OTUD7B: variants seen among roughly 807,000 people sequenced by gnomAD.
OTUD7B encodes the protein OTU deubiquitinase 7B, also known as OTU domain-containing protein 7B.
In OTUD7B, 34 loss-of-function variants were observed where a neutral mutation model predicts 82.2. That is an observed-to-expected ratio of 0.41 (90% confidence interval 0.31 to 0.55). OTUD7B has a LOEUF of 0.55. Ranked by LOEUF, OTUD7B falls within the 20% of genes least tolerant of loss-of-function variation. The probability of loss-of-function intolerance (pLI) is 0.20; values close to 1 mark genes in which losing one functional copy is unlikely to be tolerated. For synonymous variants in OTUD7B, 398 were observed against 402.7 expected (o/e 0.99, Z 0.14); for missense variants, 944 against 1,062.1 (o/e 0.89, Z 1.55).
chr1:149,967,152 C>T (rs1649570394), intron 4 of OTUD7B, 142 bp downstream of exon 4: 1 of 557,510 alleles, frequency 1.8e-6, no homozygotes, highest in Non-Finnish European at 3.2e-6. Flanking sequence ...TTTGACAGCA[C>T]AAGTTTATCC....
rs76349819 is a variant in OTUD7B at position 150,007,895 on chromosome 1, C to T, written c.-67+2553G>A. 4.2e-3 allele frequency among the ~76,000 whole-genome samples: 641 copies of T among 152,254 alleles called. 5 individuals carry two copies. Among genetic ancestry groups the T allele is most frequent in the Non-Finnish European group, 7.3e-3 (498 of 68,026 alleles). ...ATACTGCTGAGGTCACATTTCAAAG[C>T]GCTGTTTAAGGATTTTCCCTTTGGT... On this transcript the variant is annotated intron_variant, in intron 1 of 11. Coordinates refer to ENST00000581312, the MANE Select transcript of OTUD7B (RefSeq NM_020205.4).
chr1:150,014,084 G>GTGTATATATATA (rs1336267152), upstream of OTUD7B, among the ~76,000 whole-genome samples: 1 of 30,388 alleles, frequency 3.3e-5, no homozygotes, highest in African/African-American at 8.3e-5. Context: ...GTGTGTGTGT[G>GTGTATATATATA]TATATATATA....
At chr1:150,016,501 C>CTGGA in the OTUD7B span, among the ~76,000 whole-genome samples, 1 of 144,008 alleles carries the variant, frequency 6.9e-6, no homozygotes, top group Non-Finnish European at 1.5e-5. Context: ...GTCGCCAAGG[C>CTGGA]TGGAGTGCAG....
chr1:149,997,933 A>G (rs782751613), intron 1 of OTUD7B, among the ~76,000 whole-genome samples: 4 of 152,182 alleles, frequency 2.6e-5, no homozygotes, highest in Non-Finnish European at 5.9e-5. Context: ...CTTACTAGGC[A>G]TGCAAACATA....
At chr1:150,015,127 TG>T (rs1487265852), upstream of OTUD7B, among the ~76,000 whole-genome samples, 85 of 152,290 alleles carry the variant, frequency 5.6e-4, no homozygotes, top group African/African-American at 2.0e-3. Flanking sequence ...AATGAATGAA[TG>T]AATTGGCAGC....
chr1:149,958,019 G>A (rs1355048474), intron 7 of OTUD7B, among the ~76,000 whole-genome samples: 3 of 152,134 alleles, frequency 2.0e-5, no homozygotes, highest in Non-Finnish European at 4.4e-5. Flanking sequence ...TTCGGCTCAC[G>A]CTCCGTGGGC....
intron 1 of OTUD7B, among the ~76,000 whole-genome samples, chr1:149,985,625 G>A (rs1249221925): frequency 1.3e-5 from 2 of 151,486 alleles, no homozygotes; most frequent in African/African-American, 4.9e-5. Context: ...GTGCACTCCT[G>A]TAGTCCCAGC....
At chr1:150,062,708 C>CTTTTTTTTT in the OTUD7B span, among the ~76,000 whole-genome samples, 107 of 96,036 alleles carry the variant, frequency 1.1e-3, no homozygotes, top group Non-Finnish European at 1.3e-3. Context: ...CTTCTTCTTT[C>CTTTTTTTTT]TTTTTTTTTT....
the OTUD7B span, among the ~76,000 whole-genome samples, chr1:150,045,232 C>T: frequency 3.3e-5 from 5 of 151,852 alleles, no homozygotes; most frequent in Admixed American, 6.6e-5. Context: ...GCTGAGATTA[C>T]AGGTGTGTGC....
the OTUD7B span, among the ~76,000 whole-genome samples, chr1:150,027,727 TAA>T: frequency 2.1e-5 from 3 of 145,912 alleles, no homozygotes; most frequent in African/African-American, 5.0e-5. Flanking sequence ...GGATAACTGC[TAA>T]AAAAAAAAAG....
At chr1:149,973,775 C>T (rs782503790) in intron 2 of OTUD7B, among the ~76,000 whole-genome samples, 2 of 151,902 alleles carry the variant, frequency 1.3e-5, no homozygotes, top group South Asian at 2.1e-4. Context: ...TGTGAGCCAC[C>T]GCACCTGGCC....
In OTUD7B at chr1:149,942,590, T is replaced by C. The variant is rs997371206; in HGVS notation, c.*1267A>G. 6.6e-5 allele frequency: 10 copies of C among 152,540 alleles called. No homozygotes were observed. Among genetic ancestry groups the C allele is most frequent in the African/African-American group, 2.4e-4 (10 of 41,430 alleles). The allele number at this position is 152,540 out of a possible 1,614,324, so 9.4% of individuals were successfully genotyped here. On this transcript the variant is annotated 3_prime_UTR_variant, in exon 12 of 12. Transcript: ENST00000581312. ...ACTAAAATATATTTCTCTAACTACC[T>C]TTTTATAAATTGCCCCTATATGTTT... is the stretch of plus-strand genomic sequence containing the variant.
intron 1 of OTUD7B, among the ~76,000 whole-genome samples, chr1:150,009,941 T>C (rs587674897): frequency 6.6e-6 from 1 of 150,930 alleles, no homozygotes; most frequent in Non-Finnish European, 1.5e-5. Context: ...TCTCCCTCTC[T>C]CACACACACA....
At position 149,960,112 on chromosome 1, in the gene OTUD7B, A is replaced by G. The variant is rs1649032592; in HGVS notation, c.733-316T>C. Reference sequence around the variant, plus strand: ...TTTTGGCAAAGAACAATGACCTTCTAATTGCCACATTCAGTGGACCCTGGT... The same window carrying G: ...TTTTGGCAAAGAACAATGACCTTCTGATTGCCACATTCAGTGGACCCTGGT... On this transcript the variant is annotated intron_variant, in intron 6 of 11. Coordinates refer to ENST00000581312, the MANE Select transcript of OTUD7B (RefSeq NM_020205.4). 2.0e-5 allele frequency among the ~76,000 whole-genome samples: 3 copies of G among 152,118 alleles called. No individual in the cohort carries two copies. The South Asian group carries it at 6.2e-4, about 32-fold the overall frequency.
chr1:149,945,511 T>C (rs1647651671), intron 11 of OTUD7B, among the ~76,000 whole-genome samples: 1 of 152,184 alleles, frequency 6.6e-6, no homozygotes, highest in Non-Finnish European at 1.5e-5. Context: ...TCGAAACTAA[T>C]CTCAAGAAAG....
Position 149,944,009 on chromosome 1 carries a change from C to T in OTUD7B, c.2380G>A (p.Gly794Ser), listed in dbSNP as rs1647460269. The T allele has an allele frequency of 2.5e-6, 4 of 1,614,082 alleles. No homozygotes were observed. Among genetic ancestry groups the T allele is most frequent in the Admixed American group, 1.7e-5 (1 of 60,014 alleles). The change falls in exon 12 of 12, where the codon GGC becomes AGC. Residue 794 changes from glycine to serine, a missense_variant. Gly to Ser is a moderately conservative substitution (Grantham distance 56). This residue lies in a region of OTUD7B where 412 missense variants were observed against 418.7 expected (regional missense o/e 0.98). Transcript: ENST00000581312. ...CATTTGGTCTGAGTTGGGGGAAGGC[C>T]CCGGAGACCTCCAGCCCATCCATCT... is the stretch of plus-strand genomic sequence containing the variant. The part of the protein sequence containing the change: ...EPDGWAGGLR[G>S]LPPTQTKCKQ...
intron 7 of OTUD7B, among the ~76,000 whole-genome samples, chr1:149,959,460 C>A (rs1482556710): frequency 6.6e-6 from 1 of 152,082 alleles, no homozygotes; most frequent in Non-Finnish European, 1.5e-5. Context: ...GTCATTTGTC[C>A]TGAAGTTTCC....
chr1:150,055,360 A>G, the OTUD7B span, among the ~76,000 whole-genome samples: 1 of 136,382 alleles, frequency 7.3e-6, no homozygotes, highest in Non-Finnish European at 1.6e-5. Flanking sequence ...TTTCTTAAGA[A>G]GAATCTAATT....
the OTUD7B span, among the ~76,000 whole-genome samples, chr1:150,030,175 C>G: frequency 6.6e-6 from 1 of 152,182 alleles, no homozygotes; most frequent in African/African-American, 2.4e-5. Flanking sequence ...TAAACTTTAA[C>G]CACCATCTTC....
Sources: allele counts gnomAD v4.1 joint callset (sites outside exome capture counted in the v4.1 genomes callset), GRCh38; gene constraint gnomAD v4.1.1; regional missense constraint gnomAD v4.1.1; transcripts MANE v1.5; gene names NCBI Gene and HGNC (gene_info 2026-07-23, HGNC 2026-07-21).